The following ZNF384 variants were observed in gnomAD, a reference collection of about 807,000 sequenced individuals.
The protein encoded by ZNF384 is zinc finger protein 384.
Under a neutral mutation model 65.0 loss-of-function variants are expected in ZNF384, and 20 were observed. The observed-to-expected ratio is 0.31, with a 90% CI of 0.22 to 0.45. The LOEUF (loss-of-function observed/expected upper bound fraction) is 0.45. Among genes scored for constraint, ZNF384 ranks in the 20% least tolerant of loss-of-function variants. The pLI, the probability that ZNF384 is intolerant of heterozygous loss-of-function variation, is 1.00. For missense variants in ZNF384, 549 were observed against 769.4 expected (o/e 0.71, Z 3.39); for synonymous variants, 310 against 303.9 (o/e 1.02, Z -0.21).
intron 7 of ZNF384, among the ~76,000 whole-genome samples, chr12:6,675,539 G>C (rs1953169259): frequency 6.6e-6 from 1 of 152,194 alleles, no homozygotes; most frequent in East Asian, 1.9e-4. Flanking sequence ...AGTCAAGTAA[G>C]AGAGTCCTCT....
chr12:6,674,676 T>G (rs180963550), intron 7 of ZNF384, among the ~76,000 whole-genome samples: 1 of 152,272 alleles, frequency 6.6e-6, no homozygotes, highest in African/African-American at 2.4e-5. Context: ...ACACAACCAG[T>G]GGGAATCAGG....
chr12:6,686,399 G>A (rs959747678), intron 2 of ZNF384, among the ~76,000 whole-genome samples: 7 of 152,158 alleles, frequency 4.6e-5, no homozygotes, highest in South Asian at 2.1e-4. Context: ...GATTACAGGC[G>A]CTTGCCAACA....
intron 3 of ZNF384, 78 bp from the exon 4 acceptor site, chr12:6,679,261 G>T: frequency 7.3e-7 from 1 of 1,369,628 alleles, no homozygotes; most frequent in Non-Finnish European, 1.0e-6. Flanking sequence ...GCACACTTCA[G>T]TGTCTGTCCT....
chr12:6,668,443 C>T (rs570556056), intron 11 of ZNF384, among the ~76,000 whole-genome samples: 109 of 152,238 alleles, frequency 7.2e-4, no homozygotes, highest in Non-Finnish European at 9.1e-4. Context: ...TGGCTCACAC[C>T]TGTAATCCCA....
chr12:6,686,334 A>C (rs569811052), intron 2 of ZNF384, among the ~76,000 whole-genome samples: 5 of 152,108 alleles, frequency 3.3e-5, no homozygotes, highest in African/African-American at 1.2e-4. Context: ...GCTCACTGCA[A>C]CCTCCACCTC....
At chr12:6,675,093 T>A (rs9738010) in intron 7 of ZNF384, among the ~76,000 whole-genome samples, 1 of 152,342 alleles carries the variant, frequency 6.6e-6, no homozygotes, top group Non-Finnish European at 1.5e-5. Context: ...AGGTTAATTT[T>A]AAAAAATAAT....
intron 7 of ZNF384, among the ~76,000 whole-genome samples, chr12:6,675,709 T>C (rs1953248086): frequency 6.6e-6 from 1 of 152,226 alleles, no homozygotes; most frequent in Non-Finnish European, 1.5e-5. Flanking sequence ...AAGCATGCAA[T>C]GCAATGGCCT....
At chr12:6,676,183 C>A (rs375758295) in intron 7 of ZNF384, among the ~76,000 whole-genome samples, 1 of 152,220 alleles carries the variant, frequency 6.6e-6, no homozygotes, top group South Asian at 2.1e-4. Flanking sequence ...ACCTATAGTC[C>A]CAGCTACTCG....
In ZNF384 at chr12:6,667,898, GGCTGTTGCTGCT is replaced by G. The variant is rs759141206; in HGVS notation, c.1631_1642del (p.Gln544_Gln547del). The G allele has an allele frequency of 1.2e-6, 2 of 1,600,822 alleles. No homozygotes were observed. Among genetic ancestry groups the G allele is most frequent in the Admixed American group, 3.4e-5 (2 of 58,102 alleles). ...CCCAGGAGACTGGAAGTGTGGTGGT[GGCTGTTGCTGCT>G]GCTGCTGCTGCTGCTGCTGCTGCTG... On this transcript the variant is annotated inframe_deletion, in exon 12 of 12. Transcript: ENST00000683879.
chr12:6,668,713 GAAA>G (rs1201085098), intron 11 of ZNF384, among the ~76,000 whole-genome samples: 3 of 73,352 alleles, frequency 4.1e-5, no homozygotes, highest in East Asian at 7.3e-4. Flanking sequence ...GTCTCAAAAA[GAAA>G]AAAAAAAAAA....
rs889268226 is a variant in ZNF384, at chr12:6,666,684, G to C, written c.*1030C>G. 2.4e-5 allele frequency: 4 copies of C among 169,348 alleles called. No individual in the cohort carries two copies. The highest frequency in any genetic ancestry group is 5.1e-5 in the Non-Finnish European group (4 of 78,768). The allele number at this position is 169,348 out of a possible 1,614,324, so 10.5% of individuals were successfully genotyped here. A position where few individuals can be genotyped will look rare whatever the true frequency, so the allele number is the denominator to read the frequency against. On this transcript the variant is annotated 3_prime_UTR_variant, in exon 12 of 12. Transcript: ENST00000683879. ...GAAAAATGCTGTGGCTAGAGGACAG[G>C]GGTGGAGAGAGGGAAAAAAAGGACA...
At position 6,667,392 on chromosome 12, in the gene ZNF384, C is replaced by G. The variant is rs1452174302; in HGVS notation, c.*322G>C. 2.0e-6 allele frequency: 1 copy of G among 491,466 alleles called. No homozygotes were observed. 30.4% of individuals were successfully genotyped at this position (491,466 alleles called of 1,614,324 possible). A position where few individuals can be genotyped will look rare whatever the true frequency, so the allele number is the denominator to read the frequency against. Reference sequence around the variant, plus strand: ...AGGAGGGTAAGGATAGGGTAAGTGGCCACACTGGACAAGGTTCTATGAGGT... The same window carrying G: ...AGGAGGGTAAGGATAGGGTAAGTGGGCACACTGGACAAGGTTCTATGAGGT... On this transcript the variant is annotated 3_prime_UTR_variant, in exon 12 of 12. Transcript: ENST00000683879.
Position 6,668,048 on chromosome 12 carries a change from G to C in ZNF384, c.1493C>G (p.Ala498Gly). The change falls in exon 12 of 12, where the codon GCA becomes GGA. Residue 498 changes from alanine to glycine, a missense_variant. Physicochemically the swap from Ala to Gly is moderately conservative, Grantham distance 60. Around this residue, in one of 5 missense-constraint regions of ZNF384, gnomAD observed 136 missense variants for 183.0 expected, o/e 0.74. Transcript: ENST00000683879. ...CTGGGCCACTGCTGCCGCTGCTGCTGCTGCCTGCACCTGTTGCTGAAGATC... is the reference window on the plus strand; with the variant it reads ...CTGGGCCACTGCTGCCGCTGCTGCTCCTGCCTGCACCTGTTGCTGAAGATC... ...PPDLQQQVQA[A>G]AAAAAVAQAQ... 6.2e-7 allele frequency: 1 copy of C among 1,613,472 alleles called. No homozygotes were observed. Among genetic ancestry groups the C allele is most frequent in the Non-Finnish European group, 8.5e-7 (1 of 1,179,614 alleles).
At chr12:6,677,329 T>C (rs546308548) in intron 6 of ZNF384, 70 bp from the exon 7 acceptor site, 8 of 1,249,432 alleles carry the variant, frequency 6.4e-6, no homozygotes, top group Middle Eastern at 4.9e-4. Context: ...CTCCCAGCCA[T>C]GCACATCTGC....
intron 2 of ZNF384, among the ~76,000 whole-genome samples, 167 bp from the exon 3 acceptor site, chr12:6,679,692 C>T (rs1056896499): frequency 6.6e-6 from 1 of 152,170 alleles, no homozygotes; most frequent in Admixed American, 6.5e-5. Flanking sequence ...TTGGTCAGAG[C>T]CCCTTGTCAC....
At position 6,677,174 on chromosome 12, in the gene ZNF384, C is replaced by T; in HGVS notation, c.772G>A (p.Asp258Asn). Reference sequence around the variant, plus strand: ...GAGGGGAAAAGGACTTGCCCAGGGTCACACAGCAAATTCGTGGTGGAGCCG... The same window carrying T: ...GAGGGGAAAAGGACTTGCCCAGGGTTACACAGCAAATTCGTGGTGGAGCCG... The part of the protein sequence containing the change: ...VPGSTTNLLC[D>N]PGCRMCSLTF... Residue 258 changes from aspartate (D) to asparagine (N), a missense_variant, in exon 7 of 12, where the codon GAC becomes AAC. Physicochemically the swap from Asp to Asn is conservative, Grantham distance 23. This residue lies in a region of ZNF384 where 277 missense variants were observed against 337.2 expected (regional missense o/e 0.82). Transcript: ENST00000683879. 1 of 1,068,408 alleles carries T rather than the reference C, an allele frequency of 9.4e-7. No individual in the cohort carries two copies. The allele number at this position is 1,068,408 out of a possible 1,614,324, so 66.2% of individuals were successfully genotyped here.
chr12:6,667,374 T>A lies in ZNF384; in HGVS notation c.*340A>T, dbSNP rs1367689102. ...GCCCAAACTTTGAGGATAAGGAGGGTAAGGATAGGGTAAGTGGCCACACTG... is the reference window on the plus strand; with the variant it reads ...GCCCAAACTTTGAGGATAAGGAGGGAAAGGATAGGGTAAGTGGCCACACTG... On this transcript the variant is annotated 3_prime_UTR_variant, in exon 12 of 12. Coordinates refer to ENST00000683879, the MANE Select transcript of ZNF384 (RefSeq NM_001385745.1). 4.4e-6 allele frequency: 2 copies of A among 456,208 alleles called. No homozygotes were observed. Among genetic ancestry groups the A allele is most frequent in the Non-Finnish European group, 8.1e-6 (2 of 245,834 alleles). The allele number at this position is 456,208 out of a possible 1,614,324, so 28.3% of individuals were successfully genotyped here.
At chr12:6,687,083 CTCTT>C (rs1308183461) in intron 2 of ZNF384, among the ~76,000 whole-genome samples, 1 of 152,186 alleles carries the variant, frequency 6.6e-6, no homozygotes, top group Non-Finnish European at 1.5e-5. Context: ...GAAACAAAAT[CTCTT>C]TCTCTCAGGG....
At chr12:6,676,516 TG>T (rs766705166) in intron 7 of ZNF384, among the ~76,000 whole-genome samples, 33 of 152,320 alleles carry the variant, frequency 2.2e-4, no homozygotes, top group Non-Finnish European at 4.0e-4. Context: ...ATATACAGTT[TG>T]GAAAGTCCAG....
Sources: gnomAD v4.1 joint callset for allele counts (sites outside exome capture counted in the v4.1 genomes callset) on GRCh38, gnomAD v4.1.1 for gene constraint, gnomAD v4.1.1 regional missense constraint, MANE v1.5 for transcripts, NCBI Gene and HGNC (gene_info 2026-07-23, HGNC 2026-07-21) for gene names.